Variants in DCLK2 observed in about 807,000 individuals in gnomAD.
DCLK2 encodes the protein doublecortin like kinase 2.
DCLK2 carries 31 observed loss-of-function variants against 78.4 expected under a neutral mutation model. That is an observed-to-expected ratio of 0.40 (90% CI 0.30 to 0.53). The LOEUF is 0.53. Among genes scored for constraint, DCLK2 ranks in the 20% least tolerant of loss-of-function variants. The probability of loss-of-function intolerance (pLI) is 0.61; values close to 1 mark genes in which losing one functional copy is unlikely to be tolerated. For synonymous variants in DCLK2, 407 were observed against 374.9 expected (o/e 1.09, Z -0.99); for missense variants, 872 against 973.7 (o/e 0.90, Z 1.39).
At chr4:150,201,304 GA>G (rs1374884668) in intron 4 of DCLK2, among the ~76,000 whole-genome samples, 1 of 152,150 alleles carries the variant, frequency 6.6e-6, no homozygotes, top group Non-Finnish European at 1.5e-5. Context: ...CTGGCTGGCG[GA>G]GGCATACCTT....
intron 8 of DCLK2, 88 bp downstream of exon 8, chr4:150,224,646 T>G (rs1741459917): frequency 1.8e-6 from 2 of 1,081,202 alleles, no homozygotes; most frequent in East Asian, 5.0e-5. Flanking sequence ...AGTGGGGACT[T>G]GACACAACTA....
chr4:150,227,580 G>A (rs770330359), intron 8 of DCLK2, among the ~76,000 whole-genome samples: 5 of 152,206 alleles, frequency 3.3e-5, no homozygotes, highest in Admixed American at 6.5e-5. Flanking sequence ...CAGAAAGCAC[G>A]TTGGGCCCTT....
At chr4:150,168,602 T>C (rs1279493762) in intron 2 of DCLK2, among the ~76,000 whole-genome samples, 2 of 152,194 alleles carry the variant, frequency 1.3e-5, no homozygotes, top group Non-Finnish European at 2.9e-5. Context: ...GAACATACTT[T>C]GGTGCTCTGT....
At chr4:150,151,955 C>T (rs1161703353) in intron 2 of DCLK2, among the ~76,000 whole-genome samples, 1 of 151,994 alleles carries the variant, frequency 6.6e-6, no homozygotes, top group Non-Finnish European at 1.5e-5. Context: ...ATTTATGTGG[C>T]TCTGGTTAAA....
intron 2 of DCLK2, among the ~76,000 whole-genome samples, chr4:150,150,463 A>T (rs1734806357): frequency 6.6e-6 from 1 of 152,218 alleles, no homozygotes; most frequent in Non-Finnish European, 1.5e-5. Context: ...GAAAAGAGAT[A>T]ATCATTTTAT....
intron 12 of DCLK2, among the ~76,000 whole-genome samples, chr4:150,246,168 C>T (rs752408146): frequency 6.6e-6 from 1 of 152,018 alleles, no homozygotes; most frequent in Non-Finnish European, 1.5e-5. Context: ...CCCCAGCCTC[C>T]TGAGTAGCTG....
At chr4:150,250,731 T>C (rs1743728152) in intron 15 of DCLK2, among the ~76,000 whole-genome samples, 1 of 151,654 alleles carries the variant, frequency 6.6e-6, no homozygotes, top group Non-Finnish European at 1.5e-5. Flanking sequence ...GTCCTCCTTG[T>C]TTCCTACCCA....
At chr4:150,138,799 G>A (rs946120531) in intron 2 of DCLK2, among the ~76,000 whole-genome samples, 2 of 151,778 alleles carry the variant, frequency 1.3e-5, no homozygotes, top group African/African-American at 4.8e-5. Flanking sequence ...CCTGAGTAGC[G>A]GGACTACAGG....
intron 7 of DCLK2, among the ~76,000 whole-genome samples, chr4:150,223,923 T>G (rs1741395035): frequency 6.6e-6 from 1 of 152,036 alleles, no homozygotes; most frequent in Non-Finnish European, 1.5e-5. Context: ...ACTTTTGAAT[T>G]ATGGGCTAAT....
chr4:150,255,935 A>G (rs1744523166), intron 15 of DCLK2, 85 bp from the exon 16 acceptor site: 6 of 1,526,982 alleles, frequency 3.9e-6, no homozygotes, highest in Non-Finnish European at 5.3e-6. Context: ...AGGCCCGTGC[A>G]TGCTCTGTTG....
chr4:150,207,267 T>C (rs1580716552), intron 5 of DCLK2, among the ~76,000 whole-genome samples: 2 of 152,198 alleles, frequency 1.3e-5, no homozygotes, highest in South Asian at 4.1e-4. Context: ...GACACAGCTT[T>C]TGGCATTGAG....
At position 150,208,319 on chromosome 4, in the gene DCLK2, T is replaced by G. The variant is rs201210549; in HGVS notation, c.1056+4430T>G. On this transcript the variant is annotated intron_variant, in intron 5 of 15. Transcript: ENST00000296550. ...AAAAGAGTTTTTGTCAGTAGTTACCTAAAACCATAAAGTGTAAAAACTGGA... is the reference window on the plus strand; with the variant it reads ...AAAAGAGTTTTTGTCAGTAGTTACCGAAAACCATAAAGTGTAAAAACTGGA... 5.9e-5 allele frequency among the ~76,000 whole-genome samples: 9 copies of G among 152,354 alleles called. No homozygotes were observed. In the East Asian group the frequency reaches 1.7e-3, roughly 29 times the overall value.
At chr4:150,197,587 C>T (rs2126417425) in intron 3 of DCLK2, among the ~76,000 whole-genome samples, 1 of 152,176 alleles carries the variant, frequency 6.6e-6, no homozygotes, top group East Asian at 1.9e-4. Flanking sequence ...AACCCCGTCT[C>T]TACTAATAAT....
At chr4:150,138,274 G>T (rs1044884623) in intron 2 of DCLK2, among the ~76,000 whole-genome samples, 3 of 152,200 alleles carry the variant, frequency 2.0e-5, no homozygotes, top group Admixed American at 6.5e-5. Flanking sequence ...GGGATGTTGT[G>T]CAAGGTAGGT....
chr4:150,085,754 C>G (rs1729591629), intron 1 of DCLK2, among the ~76,000 whole-genome samples: 1 of 152,198 alleles, frequency 6.6e-6, no homozygotes, highest in Admixed American at 6.5e-5. Flanking sequence ...ACCAAGAGCC[C>G]TCACTACACA....
intron 8 of DCLK2, among the ~76,000 whole-genome samples, chr4:150,226,769 A>G (rs995848087): frequency 1.1e-4 from 16 of 152,150 alleles, no homozygotes; most frequent in African/African-American, 3.6e-4. Flanking sequence ...CTAAACAACT[A>G]TTTCCACATT....
intron 4 of DCLK2, among the ~76,000 whole-genome samples, chr4:150,198,561 T>C (rs1739230035): frequency 2.0e-5 from 3 of 152,228 alleles, no homozygotes; most frequent in Non-Finnish European, 4.4e-5. Context: ...TAGCAGTGAT[T>C]ATTGTTGAAA....
At chr4:150,254,017 T>C (rs1744375389) in intron 15 of DCLK2, 10 of 625,698 alleles carry the variant, frequency 1.6e-5, no homozygotes, top group Non-Finnish European at 1.8e-5. Context: ...GGCTGAGGTG[T>C]GGGATTACAG....
chr4:150,195,471 ATATATTAT>A (rs1738964824), intron 3 of DCLK2, among the ~76,000 whole-genome samples: 1 of 92,706 alleles, frequency 1.1e-5, no homozygotes, highest in African/African-American at 4.0e-5. Context: ...TATATATTAT[ATATATTAT>A]TATATAATAT....
Sources: allele counts gnomAD v4.1 joint callset (sites outside exome capture counted in the v4.1 genomes callset), GRCh38; gene constraint gnomAD v4.1.1; transcripts MANE v1.5; gene names NCBI Gene and HGNC (gene_info 2026-07-23, HGNC 2026-07-21).